The following IPPK variants were observed in gnomAD, a reference collection of about 807,000 sequenced individuals.
The protein encoded by IPPK is inositol-pentakisphosphate 2-kinase.
A neutral mutation model predicts 64.6 loss-of-function variants in IPPK; 22 were observed. That is an observed-to-expected ratio of 0.34 (90% CI 0.24 to 0.49). The LOEUF (loss-of-function observed/expected upper bound fraction) is 0.49, where lower values mean the gene tolerates loss of function less well. IPPK is among the 20% of genes least tolerant of loss of function. The pLI, the probability that IPPK is intolerant of heterozygous loss-of-function variation, is 0.99. For synonymous variants in IPPK, 262 were observed against 247.2 expected (o/e 1.06, Z -0.56); for missense variants, 532 against 630.7 (o/e 0.84, Z 1.68).
intron 11 of IPPK, among the ~76,000 whole-genome samples, chr9:92,629,558 C>G (rs1464422844): frequency 6.6e-6 from 1 of 151,940 alleles, no homozygotes; most frequent in Non-Finnish European, 1.5e-5. Context: ...TCAAGACCAG[C>G]CTGGGCAACA....
chr9:92,669,675 G>C (rs1262539571), intron 1 of IPPK, among the ~76,000 whole-genome samples: 1 of 152,100 alleles, frequency 6.6e-6, no homozygotes, highest in African/African-American at 2.4e-5. Flanking sequence ...GCCAGGAGAA[G>C]GATCTGGGGC....
chr9:92,638,251 A>T lies in IPPK; in HGVS notation c.666T>A (p.Asp222Glu), dbSNP rs772968048. 3 of 1,613,970 alleles carry T rather than the reference A, an allele frequency of 1.9e-6. No individual in the cohort carries two copies. The highest frequency in any genetic ancestry group is 1.1e-5 in the South Asian group (1 of 91,082). Reference sequence around the variant, plus strand: ...TCCAGTCAGCCACGGGGCTCCGGGCATCTTTGCAGCCGTAAATCAGCTCAC... The same window carrying T: ...TCCAGTCAGCCACGGGGCTCCGGGCTTCTTTGCAGCCGTAAATCAGCTCAC... The part of the protein sequence containing the change: ...KNGELIYGCK[D>E]ARSPVADWSE... Residue 222 changes from aspartate (D) to glutamate (E), a missense_variant, in exon 9 of 13, where the codon GAT becomes GAA. Physicochemically the swap from Asp to Glu is conservative, Grantham distance 45. Coordinates refer to ENST00000287996, the MANE Select transcript of IPPK (RefSeq NM_022755.6).
chr9:92,637,839 G>A (rs941289051), intron 9 of IPPK, among the ~76,000 whole-genome samples, 162 bp downstream of exon 9: 1 of 152,216 alleles, frequency 6.6e-6, no homozygotes, highest in African/African-American at 2.4e-5. Context: ...GCATCTGGGG[G>A]TGAGAGGCAG....
At chr9:92,632,081 T>C (rs1272317393) in intron 11 of IPPK, among the ~76,000 whole-genome samples, 1 of 152,162 alleles carries the variant, frequency 6.6e-6, no homozygotes, top group African/African-American at 2.4e-5. Context: ...CAGAGTTCTG[T>C]GGTATGAATG....
In IPPK at chr9:92,656,547, G is replaced by C. The variant is rs760166577; in HGVS notation, c.134C>G (p.Ser45Trp). Residue 45 changes from serine to tryptophan, a missense_variant, in exon 3 of 13, where the codon TCG becomes TGG. By Grantham distance (177) the Ser-to-Trp change is radical (BLOSUM62 -3). Transcript: ENST00000287996. ...CTGCAGGTGTTGAAATATCTCTTCCGAGGTCTGTAAGAGACAACCACAGGA... is the reference window on the plus strand; with the variant it reads ...CTGCAGGTGTTGAAATATCTCTTCCCAGGTCTGTAAGAGACAACCACAGGA... ...LKFPPNRKKTSEEIFQHLQNI... is the reference protein window; with the variant it reads ...LKFPPNRKKTWEEIFQHLQNI... 1.2e-6 allele frequency: 2 copies of C among 1,607,040 alleles called. No individual in the cohort carries two copies. The highest frequency in any genetic ancestry group is 1.1e-5 in the South Asian group (1 of 90,934).
intron 9 of IPPK, among the ~76,000 whole-genome samples, chr9:92,636,985 A>G (rs983903135): frequency 1.3e-5 from 2 of 152,174 alleles, no homozygotes; most frequent in African/African-American, 4.8e-5. Flanking sequence ...TGAAATGATC[A>G]GGAATCACTT....
intron 6 of IPPK, among the ~76,000 whole-genome samples, chr9:92,647,459 A>G (rs553977106): frequency 9.3e-4 from 141 of 152,300 alleles, no homozygotes; most frequent in Middle Eastern, 3.4e-3. Context: ...ACACCACTAG[A>G]AAACTACACA....
intron 11 of IPPK, 84 bp from the exon 12 acceptor site, chr9:92,619,649 T>A: frequency 8.3e-7 from 1 of 1,207,742 alleles, no homozygotes; most frequent in Non-Finnish European, 1.2e-6. Context: ...TAGCCAAGTG[T>A]GGGAACTGCT....
chr9:92,616,245 A>G lies in IPPK; in HGVS notation c.1251-188T>C. ...CCTCACACCCCAGCTCACAAAGAGC[A>G]CTCGTTCTGTGCACCTGTGATCTGT... On this transcript the variant is annotated intron_variant, in intron 12 of 12. Transcript: ENST00000287996. 7.3e-6 allele frequency: 4 copies of G among 548,648 alleles called. No homozygotes were observed. The South Asian group carries it at 8.1e-5, about 11-fold the overall frequency. 34.0% of individuals were successfully genotyped at this position (548,648 alleles called of 1,614,324 possible).
chr9:92,662,668 G>A (rs1852510234), intron 1 of IPPK, among the ~76,000 whole-genome samples: 1 of 152,204 alleles, frequency 6.6e-6, no homozygotes, highest in Admixed American at 6.5e-5. Context: ...TAACAGGGAA[G>A]CTTCCACCTT....
rs369557202 is a variant in IPPK, at chr9:92,630,673, T to TA, written c.1170+3712dup. 6.4e-3 allele frequency among the ~76,000 whole-genome samples: 939 copies of TA among 145,852 alleles called. 7 individuals carry two copies. Among genetic ancestry groups the TA allele is most frequent in the African/African-American group, 0.021 (851 of 39,832 alleles). ...GTAAAATAATACTCTAAATTATGAC[T>TA]AAAAAAAAAAATACCAAGACAAACA... On this transcript the variant is annotated intron_variant, in intron 11 of 12. Coordinates refer to ENST00000287996, the MANE Select transcript of IPPK (RefSeq NM_022755.6).
At chr9:92,630,735 A>G (rs1479589749) in intron 11 of IPPK, among the ~76,000 whole-genome samples, 1 of 152,158 alleles carries the variant, frequency 6.6e-6, no homozygotes, top group Non-Finnish European at 1.5e-5. Flanking sequence ...AGACAACTGG[A>G]ATTAAGTGTC....
chr9:92,654,312 T>C lies in IPPK; in HGVS notation c.226-1673A>G, dbSNP rs188528533. ...CGGGCTGATCACTTGAGCCCAAGAG[T>C]TCGAGACCAGCCTGCCCAACATGGT... On this transcript the variant is annotated intron_variant, in intron 3 of 12. Coordinates refer to ENST00000287996, the MANE Select transcript of IPPK (RefSeq NM_022755.6). 5.9e-5 allele frequency among the ~76,000 whole-genome samples: 9 copies of C among 152,134 alleles called. No homozygotes were observed. The East Asian group carries it at 1.7e-3, about 29-fold the overall frequency.
Position 92,659,052 on chromosome 9 carries a change from G to A in IPPK, c.82-371C>T, listed in dbSNP as rs529567690. On this transcript the variant is annotated intron_variant, in intron 1 of 12. Coordinates refer to ENST00000287996, the MANE Select transcript of IPPK (RefSeq NM_022755.6). ...ATTTATAAGAAAGATCAGTACTTAC[G>A]GACACAGATTTGTGGTTATCACATA... 8.7e-4 allele frequency among the ~76,000 whole-genome samples: 133 copies of A among 152,310 alleles called. 1 individual carries two copies. The highest frequency in any genetic ancestry group is 3.0e-3 in the African/African-American group (124 of 41,560).
At chr9:92,651,741 G>A (rs12346351) in intron 4 of IPPK, among the ~76,000 whole-genome samples, 7 of 152,302 alleles carry the variant, frequency 4.6e-5, no homozygotes, top group Non-Finnish European at 5.9e-5. Flanking sequence ...TTGAGACGGA[G>A]TCTCACTCTG....
intron 5 of IPPK, among the ~76,000 whole-genome samples, chr9:92,648,970 G>A (rs1033238577): frequency 2.6e-5 from 4 of 152,240 alleles, no homozygotes; most frequent in African/African-American, 7.2e-5. Flanking sequence ...AGGAAAATTC[G>A]TCCTGAGCAG....
chr9:92,625,145 A>G (rs977522400), intron 11 of IPPK, among the ~76,000 whole-genome samples: 2 of 152,184 alleles, frequency 1.3e-5, no homozygotes, highest in African/African-American at 4.8e-5. Flanking sequence ...AGTGGGTTGT[A>G]TATTTTTTTC....
intron 11 of IPPK, among the ~76,000 whole-genome samples, chr9:92,631,417 A>T (rs887820468): frequency 3.3e-5 from 5 of 152,156 alleles, no homozygotes; most frequent in Admixed American, 1.3e-4. Flanking sequence ...GCTGGTCTCA[A>T]CTGATCCACC....
intron 11 of IPPK, among the ~76,000 whole-genome samples, chr9:92,625,483 C>T (rs1851716672): frequency 6.6e-6 from 1 of 152,208 alleles, no homozygotes; most frequent in African/African-American, 2.4e-5. Context: ...AAGTAACTAA[C>T]AGTGGTGTGA....
Sources: gnomAD v4.1 joint callset for allele counts (sites outside exome capture counted in the v4.1 genomes callset) on GRCh38, gnomAD v4.1.1 for gene constraint, MANE v1.5 for transcripts, NCBI Gene and HGNC (gene_info 2026-07-23, HGNC 2026-07-21) for gene names.